Variants in BIRC6 observed in about 807,000 individuals in gnomAD.
The protein encoded by BIRC6 is baculoviral IAP repeat containing 6.
BIRC6 carries 98 observed loss-of-function variants against 503.3 expected under a neutral mutation model. The observed-to-expected ratio is 0.19, with a 90% confidence interval of 0.17 to 0.23. The LOEUF (loss-of-function observed/expected upper bound fraction) is 0.23, where lower values mean the gene tolerates loss of function less well. Ranked by LOEUF, BIRC6 falls within the 10% of genes least tolerant of loss-of-function variation. BIRC6 has a pLI of 1.00. For missense variants in BIRC6, 5,360 were observed against 5,806.0 expected (o/e 0.92, Z 2.50); for synonymous variants, 2,240 against 2,078.7 (o/e 1.08, Z -2.11).
chr2:32,605,639 C>T (rs1016974122), intron 71 of BIRC6, among the ~76,000 whole-genome samples: 5 of 152,150 alleles, frequency 3.3e-5, no homozygotes, highest in Admixed American at 2.6e-4. Flanking sequence ...AGGCAGATCA[C>T]TTGAGGCCTG....
rs1341124161 is a variant in BIRC6, at chr2:32,377,255, ACAT to A, written c.326-329_326-327del. The stretch of plus-strand genomic sequence containing the variant: ...TGTGTGTGTGTGTGTGTGTGTATAC[ACAT>A]CATATTTTATTCTACTTGAGAGTTG... On this transcript the variant is annotated intron_variant, in intron 1 of 73. Transcript: ENST00000421745. Among the ~76,000 whole-genome samples the A allele has an allele frequency of 1.8e-4, 27 of 148,858 alleles. 1 individual carries two copies. The East Asian group carries it at 5.1e-3, about 28-fold the overall frequency.
intron 10 of BIRC6, among the ~76,000 whole-genome samples, chr2:32,427,137 A>T (rs539370844): frequency 6.6e-6 from 1 of 151,996 alleles, no homozygotes; most frequent in Admixed American, 6.6e-5. Flanking sequence ...AACTTGAGTG[A>T]ATTTGTGGTT....
chr2:32,518,767 A>G (rs373187205), intron 56 of BIRC6, 50 bp from the exon 57 acceptor site: 73 of 1,568,968 alleles, frequency 4.7e-5, no homozygotes, highest in Non-Finnish European at 5.6e-5. Context: ...TTATAACAAT[A>G]TGTATTCCAA....
At chr2:32,522,852 C>G (rs928581978) in intron 57 of BIRC6, 1 of 152,062 alleles carries the variant, frequency 6.6e-6, no homozygotes, top group Non-Finnish European at 1.5e-5. Flanking sequence ...CTCTGGAGAT[C>G]CAGGGATCTC....
chr2:32,532,133 T>TGTGTG (rs780165363), intron 61 of BIRC6: 35 of 80,716 alleles, frequency 4.3e-4, no homozygotes, highest in Admixed American at 4.2e-3. Flanking sequence ...TGATTTCATG[T>TGTGTG]CGTGTGTGTG....
At chr2:32,539,238 T>G (rs1339021081) in intron 61 of BIRC6, among the ~76,000 whole-genome samples, 1 of 152,218 alleles carries the variant, frequency 6.6e-6, no homozygotes, top group Non-Finnish European at 1.5e-5. Flanking sequence ...GAAGGAAGAA[T>G]TAGATAAATC....
intron 44 of BIRC6, 142 bp from the exon 45 acceptor site, chr2:32,493,398 C>T (rs982539323): frequency 3.5e-5 from 22 of 634,668 alleles, no homozygotes; most frequent in Non-Finnish European, 5.0e-5. Flanking sequence ...TCATTTCCTG[C>T]TATCATTGTT....
At chr2:32,465,893 TA>T (rs1362654669) in intron 26 of BIRC6, among the ~76,000 whole-genome samples, 1 of 146,422 alleles carries the variant, frequency 6.8e-6, no homozygotes, top group Non-Finnish European at 1.5e-5. Context: ...AAAGCTAAAA[TA>T]AAAGTCTTAC....
In BIRC6 at chr2:32,376,128, G is replaced by A. The variant is rs138015244; in HGVS notation, c.326-1460G>A. Among the ~76,000 whole-genome samples, 1,405 of 150,312 alleles carry A rather than the reference G, an allele frequency of 9.3e-3. 22 individuals carry two copies. The highest frequency in any genetic ancestry group is 0.032 in the African/African-American group (1,311 of 40,758). ...ATGAACCCGGGAGGCAGAGCTTGCA[G>A]TGAGCCGAGATCATGCCACTGCACT... On this transcript the variant is annotated intron_variant, in intron 1 of 73. Coordinates refer to ENST00000421745, the MANE Select transcript of BIRC6 (RefSeq NM_016252.4).
At chr2:32,589,387 C>A (rs2061263468) in intron 66 of BIRC6, among the ~76,000 whole-genome samples, 1 of 152,120 alleles carries the variant, frequency 6.6e-6, no homozygotes, top group African/African-American at 2.4e-5. Flanking sequence ...TATACCTAAG[C>A]AATGGGAGAT....
At chr2:32,501,910 T>C in intron 47 of BIRC6, 22 bp downstream of exon 47, 3 of 1,570,814 alleles carry the variant, frequency 1.9e-6, no homozygotes, top group Non-Finnish European at 2.6e-6. Context: ...CCAACAACAG[T>C]TGCAGTGATT....
rs753664813 is a variant in BIRC6 at position 32,500,010 on chromosome 2, G to T, written c.8932G>T (p.Ala2978Ser). 6.2e-7 allele frequency: 1 copy of T among 1,613,982 alleles called. No homozygotes were observed. Among genetic ancestry groups the T allele is most frequent in the East Asian group, 2.2e-5 (1 of 44,878 alleles). Residue 2978 changes from alanine (A) to serine (S), a missense_variant, in exon 46 of 74, where the codon GCA (alanine) becomes TCA (serine). Coordinates refer to ENST00000421745, the MANE Select transcript of BIRC6 (RefSeq NM_016252.4). ...CAGTACCAGTGTTCAAGGATCGCCT[G>T]CATATGTTGCTGACTTAGTCTTAGC... ...GSSTSVQGSP[A>S]YVADLVLANQ...
intron 29 of BIRC6, among the ~76,000 whole-genome samples, 179 bp from the exon 30 acceptor site, chr2:32,469,216 T>G (rs1487968622): frequency 6.6e-6 from 1 of 152,186 alleles, no homozygotes; most frequent in Admixed American, 6.5e-5. Flanking sequence ...GTGCTAAATA[T>G]TTTCGTCTCC....
chr2:32,577,903 T>C (rs188296543), intron 66 of BIRC6, among the ~76,000 whole-genome samples: 6 of 152,342 alleles, frequency 3.9e-5, no homozygotes, highest in Non-Finnish European at 5.9e-5. Context: ...TTATAAACTA[T>C]GTACCAACAA....
At chr2:32,502,578 G>C (rs1270525044) in intron 47 of BIRC6, among the ~76,000 whole-genome samples, 7 of 152,120 alleles carry the variant, frequency 4.6e-5, no homozygotes, top group Non-Finnish European at 7.4e-5. Context: ...AGATAATAAT[G>C]GATGAAGACA....
chr2:32,374,057 A>G lies in BIRC6; in HGVS notation c.326-3531A>G, dbSNP rs955660900. 3.3e-5 allele frequency among the ~76,000 whole-genome samples: 5 copies of G among 152,310 alleles called. No individual in the cohort carries two copies. The East Asian group carries it at 9.6e-4, about 29-fold the overall frequency. ...GGTTGCCAGGCTTTGGGGAGAGGGG[A>G]TAAAAGTCAGTTACTGTTTAAAGCG... On this transcript the variant is annotated intron_variant, in intron 1 of 73. Coordinates refer to ENST00000421745, the MANE Select transcript of BIRC6 (RefSeq NM_016252.4).
chr2:32,578,992 A>C (rs1426555889), intron 66 of BIRC6, among the ~76,000 whole-genome samples: 2 of 56,782 alleles, frequency 3.5e-5, no homozygotes, highest in Non-Finnish European at 7.2e-5. Flanking sequence ...ATATATATAC[A>C]CTTAATATAT....
At chr2:32,613,621 AC>A (rs1216848326) in intron 73 of BIRC6, among the ~76,000 whole-genome samples, 2 of 151,466 alleles carry the variant, frequency 1.3e-5, no homozygotes, top group Non-Finnish European at 2.9e-5. Flanking sequence ...CTGGTCTTGA[AC>A]TCCTGACCTC....
rs144411884 is a variant in BIRC6, at chr2:32,482,567, G to A, written c.7681G>A (p.Val2561Ile). The part of the protein sequence containing the change: ...TEKNGSQTVS[V>I]SVSQALDARL... ...GAAGAACGGATCACAGACAGTTAGCGTTTCAGTCTCTCAGGGTAAGTGTAT... is the reference window on the plus strand; with the variant it reads ...GAAGAACGGATCACAGACAGTTAGCATTTCAGTCTCTCAGGGTAAGTGTAT... Residue 2561 changes from valine (V) to isoleucine (I), a missense_variant, in exon 39 of 74, where the codon GTT (valine) becomes ATT (isoleucine). Val to Ile is a conservative substitution (Grantham distance 29). Coordinates refer to ENST00000421745, the MANE Select transcript of BIRC6 (RefSeq NM_016252.4). 33 of 1,613,718 alleles carry A rather than the reference G, an allele frequency of 2.0e-5. No homozygotes were observed. Among genetic ancestry groups the A allele is most frequent in the African/African-American group, 2.7e-5 (2 of 74,906 alleles).
Sources: allele counts gnomAD v4.1 joint callset (sites outside exome capture counted in the v4.1 genomes callset), GRCh38; gene constraint gnomAD v4.1.1; transcripts MANE v1.5; gene names NCBI Gene and HGNC (gene_info 2026-07-23, HGNC 2026-07-21).